Variants in NKAIN2 observed in about 807,000 individuals in gnomAD.
The protein encoded by NKAIN2 is sodium/potassium-transporting ATPase subunit beta-1-interacting protein 2.
In NKAIN2, 14 loss-of-function variants were observed where a neutral mutation model predicts 32.6. That is an observed-to-expected ratio of 0.43 (90% CI 0.28 to 0.67). The LOEUF is 0.67. Ranked by LOEUF, NKAIN2 falls within the 30% of genes least tolerant of loss-of-function variation. The pLI, the probability that NKAIN2 is intolerant of heterozygous loss-of-function variation, is 0.17. For synonymous variants in NKAIN2, 80 were observed against 87.2 expected, an observed-to-expected ratio of 0.92 and a Z score of 0.46; for missense variants, 198 against 258.3, an observed-to-expected ratio of 0.77 and a Z score of 1.60.
intron 1 of NKAIN2, among the ~76,000 whole-genome samples, chr6:123,975,054 A>C (rs1778497151): frequency 6.6e-6 from 1 of 152,118 alleles, no homozygotes; most frequent in African/African-American, 2.4e-5. Flanking sequence ...AGGGAGAGTA[A>C]AACTTTATAG....
intron 1 of NKAIN2, among the ~76,000 whole-genome samples, chr6:123,947,281 A>G (rs372626018): frequency 6.6e-5 from 10 of 152,358 alleles, no homozygotes; most frequent in African/African-American, 2.4e-4. Context: ...AGATCTGACT[A>G]TGAACTCATA....
At chr6:124,726,430 A>G (rs1165981303) in intron 4 of NKAIN2, among the ~76,000 whole-genome samples, 2 of 151,926 alleles carry the variant, frequency 1.3e-5, no homozygotes, top group African/African-American at 2.4e-5. Context: ...ACTGGGAGGC[A>G]CCCCCCAGCA....
At chr6:123,900,130 A>G (rs1024486208) in intron 1 of NKAIN2, among the ~76,000 whole-genome samples, 1 of 152,146 alleles carries the variant, frequency 6.6e-6, no homozygotes, top group African/African-American at 2.4e-5. Flanking sequence ...AGAAATCGGA[A>G]CATATGTTGT....
At chr6:124,678,911 T>G (rs1181003138) in intron 4 of NKAIN2, among the ~76,000 whole-genome samples, 1 of 152,196 alleles carries the variant, frequency 6.6e-6, no homozygotes, top group Non-Finnish European at 1.5e-5. Flanking sequence ...TGGATGAATC[T>G]TCTCTGGACT....
intron 4 of NKAIN2, among the ~76,000 whole-genome samples, chr6:124,701,443 C>T (rs117435585): frequency 6.6e-5 from 10 of 151,728 alleles, no homozygotes; most frequent in African/African-American, 9.7e-5. Context: ...TGTATTTTTG[C>T]GATTTGTTCT....
intron 3 of NKAIN2, among the ~76,000 whole-genome samples, chr6:124,376,919 T>A (rs1800017517): frequency 6.6e-6 from 1 of 152,166 alleles, no homozygotes; most frequent in Admixed American, 6.5e-5. Flanking sequence ...CTGACCATAC[T>A]CCCTACAAAT....
intron 1 of NKAIN2, among the ~76,000 whole-genome samples, chr6:124,116,769 C>G (rs1220171661): frequency 6.6e-6 from 1 of 151,800 alleles, no homozygotes; most frequent in Non-Finnish European, 1.5e-5. Context: ...TGAATGCCGG[C>G]TACATGTAAC....
At chr6:123,986,505 TTAA>T (rs1779145129) in intron 1 of NKAIN2, among the ~76,000 whole-genome samples, 1 of 152,132 alleles carries the variant, frequency 6.6e-6, no homozygotes, top group African/African-American at 2.4e-5. Context: ...TACAGTGTAG[TTAA>T]TAATCTTTGC....
At chr6:123,880,510 C>A (rs923993683) in intron 1 of NKAIN2, among the ~76,000 whole-genome samples, 3 of 152,080 alleles carry the variant, frequency 2.0e-5, no homozygotes, top group Admixed American at 1.3e-4. Flanking sequence ...AGCACCATTA[C>A]TGGTTAAGGA....
Position 124,076,118 on chromosome 6 carries a change from A to G in NKAIN2, c.55-206887A>G, listed in dbSNP as rs78351314. 2.0e-5 allele frequency among the ~76,000 whole-genome samples: 3 copies of G among 152,324 alleles called. No homozygotes were observed. In the East Asian group the frequency reaches 5.8e-4, roughly 29 times the overall value. On this transcript the variant is annotated intron_variant, in intron 1 of 6. Coordinates refer to ENST00000368417, the MANE Select transcript of NKAIN2 (RefSeq NM_001040214.3). ...AGTCCCAGCATTGGCTATCAGCAAAAATTAGAAAGGAAAACATATTTCTTG... is the reference window on the plus strand; with the variant it reads ...AGTCCCAGCATTGGCTATCAGCAAAGATTAGAAAGGAAAACATATTTCTTG...
chr6:124,720,037 T>C (rs1182324696), intron 4 of NKAIN2, among the ~76,000 whole-genome samples: 1 of 152,098 alleles, frequency 6.6e-6, no homozygotes, highest in Non-Finnish European at 1.5e-5. Flanking sequence ...ATCCTCATTC[T>C]TTCTTTAGAG....
intron 1 of NKAIN2, among the ~76,000 whole-genome samples, chr6:124,183,728 T>C (rs958871431): frequency 3.9e-5 from 6 of 152,200 alleles, no homozygotes; most frequent in African/African-American, 1.4e-4. Flanking sequence ...GGAAATCTCA[T>C]GCCCTGCAAG....
At chr6:124,098,176 C>T (rs920508442) in intron 1 of NKAIN2, among the ~76,000 whole-genome samples, 47 of 152,146 alleles carry the variant, frequency 3.1e-4, no homozygotes, top group Middle Eastern at 3.2e-3. Context: ...ATTGTTCCTA[C>T]TCTGGTTAAT....
chr6:124,198,935 G>T (rs1790463983), intron 1 of NKAIN2, among the ~76,000 whole-genome samples: 1 of 152,110 alleles, frequency 6.6e-6, no homozygotes. Context: ...TTGTTTGGTT[G>T]TGTGGGACAC....
rs1347821153 is a variant in NKAIN2 at position 124,133,605 on chromosome 6, TTAAA to T, written c.55-149391_55-149388del. On this transcript the variant is annotated intron_variant, in intron 1 of 6. Transcript: ENST00000368417. ...CAATAAATAAACACCAGAAAAAAAA[TTAAA>T]TAAATAAAGTATACACCACAAGAGA... Among the ~76,000 whole-genome samples, 10 of 151,870 alleles carry T rather than the reference TTAAA, an allele frequency of 6.6e-5. No individual in the cohort carries two copies. The South Asian group carries it at 1.5e-3, about 22-fold the overall frequency.
At chr6:124,599,232 T>C (rs1782215513) in intron 3 of NKAIN2, among the ~76,000 whole-genome samples, 1 of 151,424 alleles carries the variant, frequency 6.6e-6, no homozygotes, top group African/African-American at 2.4e-5. Flanking sequence ...TAGATAATAC[T>C]GAAAAATAAA....
chr6:124,535,763 C>G (rs1779688526), intron 3 of NKAIN2, among the ~76,000 whole-genome samples: 1 of 152,112 alleles, frequency 6.6e-6, no homozygotes, highest in African/African-American at 2.4e-5. Flanking sequence ...TGAGAGATGC[C>G]TGGAGCTCAA....
intron 1 of NKAIN2, among the ~76,000 whole-genome samples, chr6:123,965,568 C>G (rs1778033885): frequency 6.6e-6 from 1 of 152,112 alleles, no homozygotes; most frequent in South Asian, 2.1e-4. Flanking sequence ...ATGCTTGATT[C>G]TCCTACTCAT....
chr6:124,405,684 C>T (rs1311789001), intron 3 of NKAIN2, among the ~76,000 whole-genome samples: 4 of 151,936 alleles, frequency 2.6e-5, no homozygotes, highest in African/African-American at 9.7e-5. Flanking sequence ...CCGGCAAAAC[C>T]TTTTTTATTA....
Sources: allele counts gnomAD v4.1 joint callset (sites outside exome capture counted in the v4.1 genomes callset), GRCh38; gene constraint gnomAD v4.1.1; transcripts MANE v1.5; gene names NCBI Gene and HGNC (gene_info 2026-07-23, HGNC 2026-07-21).